The following SPATA17 variants were observed in gnomAD, a reference collection of about 807,000 sequenced individuals.
SPATA17 encodes the protein spermatogenesis associated 17.
Under a neutral mutation model 62.2 loss-of-function variants are expected in SPATA17, and 53 were observed. The ratio of observed to expected loss-of-function variants is 0.85; its 90% CI spans 0.68 to 1.07. SPATA17 has a LOEUF of 1.07. Ranked by LOEUF, SPATA17 falls within the 50% of genes least tolerant of loss-of-function variation. SPATA17 has a pLI of 0.00. For missense variants in SPATA17, 466 were observed against 425.5 expected, an observed-to-expected ratio of 1.10 and a Z score of -0.84; for synonymous variants, 146 against 146.8, an observed-to-expected ratio of 0.99 and a Z score of 0.04.
chr1:217,792,694 A>C (rs1026266099), intron 8 of SPATA17, among the ~76,000 whole-genome samples: 2 of 152,174 alleles, frequency 1.3e-5, no homozygotes, highest in Non-Finnish European at 2.9e-5. Context: ...TAGACAATAA[A>C]TAAGGGTTAA....
intron 5 of SPATA17, 137 bp from the exon 6 acceptor site, chr1:217,741,838 A>G: frequency 2.5e-6 from 2 of 807,668 alleles, no homozygotes; most frequent in Non-Finnish European, 3.8e-6. Flanking sequence ...TAGAAAATGC[A>G]GGTAAGATAG....
At chr1:217,756,219 C>CT (rs1020435062) in intron 6 of SPATA17, among the ~76,000 whole-genome samples, 4 of 151,792 alleles carry the variant, frequency 2.6e-5, no homozygotes, top group Admixed American at 2.6e-4. Context: ...ATTATTCACT[C>CT]TTTTTTTAAT....
At chr1:217,667,158 C>T (rs1670715952) in intron 3 of SPATA17, among the ~76,000 whole-genome samples, 1 of 150,408 alleles carries the variant, frequency 6.6e-6, no homozygotes, top group Non-Finnish European at 1.5e-5. Flanking sequence ...AGAGATTCTC[C>T]TGCCTCAGCC....
chr1:217,751,808 A>G (rs1672913770), intron 6 of SPATA17, among the ~76,000 whole-genome samples: 1 of 152,144 alleles, frequency 6.6e-6, no homozygotes, highest in African/African-American at 2.4e-5. Flanking sequence ...AAATTAATTA[A>G]AAGAGAGCCA....
At chr1:217,687,684 A>T (rs1306872717) in intron 5 of SPATA17, among the ~76,000 whole-genome samples, 4 of 152,136 alleles carry the variant, frequency 2.6e-5, no homozygotes, top group Admixed American at 2.0e-4. Flanking sequence ...GGTTTATGTA[A>T]ATACACTCTA....
rs373958221 is a variant in SPATA17 at position 217,644,130 on chromosome 1, AC to A, written c.69-4751del. The stretch of plus-strand genomic sequence containing the variant: ...CTGCACAGTATTTAACATTCGACCA[AC>A]TATGGTAACTTCTACTATATGATCA... On this transcript the variant is annotated intron_variant, in intron 1 of 10. Coordinates refer to ENST00000366933, the MANE Select transcript of SPATA17 (RefSeq NM_138796.4). Among the ~76,000 whole-genome samples, 968 of 152,276 alleles carry A rather than the reference AC, an allele frequency of 6.4e-3. 10 individuals are homozygous for A. Among genetic ancestry groups the A allele is most frequent in the African/African-American group, 0.022 (920 of 41,540 alleles).
At chr1:217,820,999 G>A (rs1674845459) in intron 9 of SPATA17, among the ~76,000 whole-genome samples, 1 of 152,044 alleles carries the variant, frequency 6.6e-6, no homozygotes, top group Non-Finnish European at 1.5e-5. Flanking sequence ...TGTGCAAAGA[G>A]GGACCAAGCT....
intron 5 of SPATA17, among the ~76,000 whole-genome samples, chr1:217,722,494 TA>T (rs1163878577): frequency 2.0e-5 from 3 of 152,092 alleles, no homozygotes; most frequent in Non-Finnish European, 4.4e-5. Flanking sequence ...GCAAACATTT[TA>T]CAAGTAAAAT....
intron 9 of SPATA17, among the ~76,000 whole-genome samples, chr1:217,832,611 T>G (rs1675170522): frequency 6.6e-6 from 1 of 152,106 alleles, no homozygotes; most frequent in African/African-American, 2.4e-5. Context: ...ATAGTGGCTT[T>G]AAGGATTGAC....
intron 9 of SPATA17, among the ~76,000 whole-genome samples, chr1:217,812,669 T>G (rs1674620063): frequency 6.6e-6 from 1 of 152,210 alleles, no homozygotes; most frequent in Non-Finnish European, 1.5e-5. Context: ...AAGGAGAATC[T>G]ACCCGTCAGT....
chr1:217,771,004 T>TTTTTTTTTTTTTTTC (rs1673430778), intron 6 of SPATA17, among the ~76,000 whole-genome samples: 1 of 130,452 alleles, frequency 7.7e-6, no homozygotes, highest in Non-Finnish European at 1.6e-5. Context: ...TTTTTTTTTT[T>TTTTTTTTTTTTTTTC]TTTTGCCTTT....
intron 8 of SPATA17, among the ~76,000 whole-genome samples, chr1:217,794,171 G>A (rs974852456): frequency 1.3e-5 from 2 of 151,656 alleles, no homozygotes; most frequent in African/African-American, 4.8e-5. Context: ...AGGATATCTA[G>A]GATTTGGCTA....
intron 9 of SPATA17, among the ~76,000 whole-genome samples, chr1:217,832,333 G>T (rs1298515463): frequency 1.3e-5 from 2 of 152,100 alleles, no homozygotes; most frequent in African/African-American, 4.8e-5. Context: ...GACTATATTA[G>T]ATATGTTCAC....
intron 8 of SPATA17, among the ~76,000 whole-genome samples, chr1:217,794,871 AT>A (rs1211478397): frequency 2.6e-5 from 4 of 152,206 alleles, no homozygotes; most frequent in Admixed American, 6.5e-5. Flanking sequence ...TTAAGATTGA[AT>A]TTTGACTCTT....
chr1:217,723,203 C>A (rs561808281), intron 5 of SPATA17, among the ~76,000 whole-genome samples: 2 of 152,102 alleles, frequency 1.3e-5, no homozygotes, highest in Non-Finnish European at 2.9e-5. Context: ...CAACTGAGAC[C>A]ATTCCAATTT....
At chr1:217,786,670 A>G (rs61825816) in intron 8 of SPATA17, among the ~76,000 whole-genome samples, 4,773 of 152,260 alleles carry the variant, frequency 0.031, 106 homozygotes, top group Middle Eastern at 0.058. Flanking sequence ...TGATAGATGC[A>G]GTGAAACCCA....
intron 1 of SPATA17, among the ~76,000 whole-genome samples, chr1:217,643,311 C>T (rs749142239): frequency 3.3e-5 from 5 of 152,272 alleles, no homozygotes; most frequent in Middle Eastern, 3.4e-3. Context: ...CCAGTGCGGG[C>T]TCTACCTCCT....
intron 6 of SPATA17, among the ~76,000 whole-genome samples, chr1:217,772,400 T>G (rs1056964982): frequency 6.6e-6 from 1 of 152,222 alleles, no homozygotes; most frequent in Non-Finnish European, 1.5e-5. Flanking sequence ...TTTAAATGTT[T>G]AAATGCATTT....
intron 6 of SPATA17, among the ~76,000 whole-genome samples, chr1:217,749,865 G>C (rs1326679151): frequency 6.7e-6 from 1 of 149,838 alleles, no homozygotes; most frequent in Non-Finnish European, 1.5e-5. Context: ...TGCCTATTGA[G>C]TCTGATCTGC....
Sources: gnomAD v4.1 joint callset for allele counts (sites outside exome capture counted in the v4.1 genomes callset) on GRCh38, gnomAD v4.1.1 for gene constraint, MANE v1.5 for transcripts, NCBI Gene and HGNC (gene_info 2026-07-23, HGNC 2026-07-21) for gene names.